AFF3: variants seen among roughly 807,000 people sequenced by gnomAD.
AFF3 encodes ALF transcription elongation factor 3.
AFF3 carries 32 observed loss-of-function variants against 129.7 expected under a neutral mutation model. That is an observed-to-expected ratio of 0.25 (90% CI 0.19 to 0.33). The LOEUF (loss-of-function observed/expected upper bound fraction) is 0.33, where lower values mean the gene tolerates loss of function less well. Among genes scored for constraint, AFF3 ranks in the 10% least tolerant of loss-of-function variants. The pLI is 1.00. For synonymous variants in AFF3, 644 were observed against 635.4 expected (o/e 1.01, Z -0.20); for missense variants, 1,373 against 1,592.0 (o/e 0.86, Z 2.34).
intron 18 of AFF3, among the ~76,000 whole-genome samples, chr2:99,572,854 A>C (rs1398088271): frequency 2.0e-5 from 3 of 152,186 alleles, no homozygotes; most frequent in Non-Finnish European, 4.4e-5. Flanking sequence ...CCACAGATCC[A>C]GGTAGATTGC....
chr2:99,968,786 G>A lies in AFF3; in HGVS notation c.873+37846C>T, dbSNP rs113547554. On this transcript the variant is annotated intron_variant, in intron 7 of 24. Transcript: ENST00000672756. ...CAGCCACAACAGCTTCCGGCTAGAA[G>A]GTGCATTGGCAACCTTCCTCCTGCC... is the stretch of plus-strand genomic sequence containing the variant. 1.9e-3 allele frequency among the ~76,000 whole-genome samples: 287 copies of A among 152,298 alleles called. 1 individual carries two copies. Among genetic ancestry groups the A allele is most frequent in the South Asian group, 3.3e-3 (16 of 4,830 alleles).
intron 11 of AFF3, chr2:99,707,130 G>C (rs1677475991): frequency 1.0e-6 from 1 of 985,278 alleles, no homozygotes; most frequent in South Asian, 4.7e-5. Flanking sequence ...TCCAGTTGTG[G>C]CTTAGCAAGT....
At chr2:100,037,809 A>G (rs1210691328) in intron 4 of AFF3, among the ~76,000 whole-genome samples, 1 of 138,052 alleles carries the variant, frequency 7.2e-6, no homozygotes, top group Non-Finnish European at 1.5e-5. Flanking sequence ...TATATAATAT[A>G]TAAAATATAT....
intron 13 of AFF3, among the ~76,000 whole-genome samples, chr2:99,634,768 G>T (rs1052077681): frequency 4.0e-5 from 6 of 150,760 alleles, no homozygotes; most frequent in South Asian, 2.1e-4. Flanking sequence ...ATATTTAAGT[G>T]CAGAACACAG....
At position 99,550,915 on chromosome 2, in the gene AFF3, T is replaced by A; in HGVS notation, c.*559A>T. On this transcript the variant is annotated 3_prime_UTR_variant, in exon 25 of 25. Coordinates refer to ENST00000672756, the MANE Select transcript of AFF3 (RefSeq NM_001386135.1). ...CACAAAAATACCTGGCTTATTTTCA[T>A]TATTCAATTACCCATTAATACATAC... The A allele has an allele frequency of 3.6e-6, 1 of 274,076 alleles. No homozygotes were observed. The highest frequency in any genetic ancestry group is 5.3e-5 in the Admixed American group (1 of 18,940). The allele number at this position is 274,076 out of a possible 1,614,324, so 17.0% of individuals were successfully genotyped here.
chr2:99,890,975 A>G (rs545275192), intron 7 of AFF3, among the ~76,000 whole-genome samples: 1 of 152,338 alleles, frequency 6.6e-6, no homozygotes. Flanking sequence ...GATAACTGCC[A>G]CTGAAATGAT....
At chr2:99,764,468 C>G (rs1321417925) in intron 8 of AFF3, among the ~76,000 whole-genome samples, 1 of 152,080 alleles carries the variant, frequency 6.6e-6, no homozygotes, top group Non-Finnish European at 1.5e-5. Context: ...ATGAGAGTCA[C>G]CTGTCTTATT....
intron 8 of AFF3, among the ~76,000 whole-genome samples, chr2:99,803,201 T>G (rs186726204): frequency 6.6e-6 from 1 of 152,310 alleles, no homozygotes; most frequent in East Asian, 1.9e-4. Context: ...GTTTCTATTA[T>G]CATATGGTTT....
rs762154217 is a variant in AFF3, at chr2:99,611,223, T to C, written c.1185-9602A>G. Among the ~76,000 whole-genome samples, 123 of 152,196 alleles carry C rather than the reference T, an allele frequency of 8.1e-4. 3 individuals carry two copies. Among genetic ancestry groups the C allele is most frequent in the Non-Finnish European group, 2.8e-4 (19 of 68,038 alleles). The stretch of plus-strand genomic sequence containing the variant: ...TCAGTTGTCTCAAGCTTGTTTTTAA[T>C]TGCTTACTGAAGCATTTTATGATGG... On this transcript the variant is annotated intron_variant, in intron 13 of 24. Transcript: ENST00000672756.
intron 8 of AFF3, among the ~76,000 whole-genome samples, chr2:99,828,205 T>C (rs1311881123): frequency 3.3e-5 from 5 of 151,618 alleles, no homozygotes; most frequent in African/African-American, 4.8e-5. Context: ...CCTGAGGGGG[T>C]TGATAAAGTC....
At chr2:99,974,592 C>T (rs1016899300) in intron 7 of AFF3, among the ~76,000 whole-genome samples, 1 of 152,170 alleles carries the variant, frequency 6.6e-6, no homozygotes, top group Non-Finnish European at 1.5e-5. Flanking sequence ...TTATCTCAAA[C>T]CTGTCTCTAC....
chr2:100,011,399 G>A lies in AFF3; in HGVS notation c.54-2467C>T. 9.1e-6 allele frequency: 7 copies of A among 769,802 alleles called. No individual in the cohort carries two copies. The Middle Eastern group carries it at 1.1e-3, about 126-fold the overall frequency. 47.7% of individuals were successfully genotyped at this position (769,802 alleles called of 1,614,324 possible). A position where few individuals can be genotyped will look rare whatever the true frequency, so the allele number is the denominator to read the frequency against. ...ACCCAACCAGACACACAAGACTGGT[G>A]TGATGCACGAAGTGGCCTCATGTAA... is the stretch of plus-strand genomic sequence containing the variant. On this transcript the variant is annotated intron_variant, in intron 4 of 24. Transcript: ENST00000672756.
At chr2:100,027,679 C>T (rs1573174728) in intron 4 of AFF3, among the ~76,000 whole-genome samples, 1 of 152,108 alleles carries the variant, frequency 6.6e-6, no homozygotes, top group African/African-American at 2.4e-5. Flanking sequence ...TTAAACTTTG[C>T]TGTTTGATAA....
intron 8 of AFF3, among the ~76,000 whole-genome samples, chr2:99,756,047 G>A (rs899014675): frequency 7.2e-5 from 11 of 152,222 alleles, no homozygotes; most frequent in African/African-American, 2.7e-4. Context: ...GTAGGACACG[G>A]ACTTCTCTAA....
intron 4 of AFF3, among the ~76,000 whole-genome samples, chr2:100,090,981 C>T (rs1371144511): frequency 8.5e-5 from 13 of 152,220 alleles, no homozygotes; most frequent in East Asian, 3.8e-4. Context: ...TGAGCCACCA[C>T]GCCCAGCCTA....
intron 11 of AFF3, among the ~76,000 whole-genome samples, chr2:99,688,841 T>C (rs569199172): frequency 1.3e-5 from 2 of 152,304 alleles, no homozygotes; most frequent in South Asian, 2.1e-4. Context: ...CTCACGGGCA[T>C]CTTCAGCATC....
chr2:99,550,544 T>C lies in AFF3; in HGVS notation c.*930A>G. 4.3e-6 allele frequency: 1 copy of C among 232,434 alleles called. No homozygotes were observed. Among genetic ancestry groups the C allele is most frequent in the Non-Finnish European group, 8.5e-6 (1 of 117,530 alleles). The allele number at this position is 232,434 out of a possible 1,614,324, so 14.4% of individuals were successfully genotyped here. Reference sequence around the variant, plus strand: ...GTGGAAAGAAAAGACTTGAAACAGATTGGCTGACAAATGCCATGTGGCTCT... The same window carrying C: ...GTGGAAAGAAAAGACTTGAAACAGACTGGCTGACAAATGCCATGTGGCTCT... On this transcript the variant is annotated 3_prime_UTR_variant, in exon 25 of 25. Coordinates refer to ENST00000672756, the MANE Select transcript of AFF3 (RefSeq NM_001386135.1).
intron 8 of AFF3, among the ~76,000 whole-genome samples, chr2:99,800,911 C>T (rs899106608): frequency 6.6e-6 from 1 of 152,006 alleles, no homozygotes; most frequent in African/African-American, 2.4e-5. Context: ...GCAGTGGTGG[C>T]CTGGGGATGA....
intron 7 of AFF3, among the ~76,000 whole-genome samples, chr2:99,996,925 C>A (rs1307482422): frequency 1.3e-5 from 2 of 152,270 alleles, no homozygotes; most frequent in African/African-American, 4.8e-5. Flanking sequence ...CCCTTCCCTT[C>A]TTGAGATCCC....
Sources: allele counts gnomAD v4.1 joint callset (sites outside exome capture counted in the v4.1 genomes callset), GRCh38; gene constraint gnomAD v4.1.1; transcripts MANE v1.5; gene names NCBI Gene and HGNC (gene_info 2026-07-23, HGNC 2026-07-21).